Variants in SASH1 observed in about 807,000 individuals in gnomAD.
SASH1 encodes the protein SAM and SH3 domain containing 1, also known as SAM and SH3 domain-containing protein 1.
A neutral mutation model predicts 125.2 loss-of-function variants in SASH1; 44 were observed. That is an observed-to-expected ratio of 0.35 (90% confidence interval 0.28 to 0.45). SASH1 has a LOEUF of 0.45. SASH1 is among the 20% of genes least tolerant of loss of function. The pLI, the probability that SASH1 is intolerant of heterozygous loss-of-function variation, is 1.00. For missense variants in SASH1, 1,426 were observed against 1,614.5 expected (o/e 0.88, Z 2.00); for synonymous variants, 639 against 649.1 (o/e 0.98, Z 0.24).
chr6:148,307,382 C>A (rs1365583564), intron 1 of SASH1, among the ~76,000 whole-genome samples: 1 of 151,990 alleles, frequency 6.6e-6, no homozygotes, highest in African/African-American at 2.4e-5. Flanking sequence ...TCCCAAAGTG[C>A]TGGAATTACA....
the SASH1 span, among the ~76,000 whole-genome samples, chr6:148,198,025 T>C: frequency 2.0e-5 from 3 of 152,184 alleles, no homozygotes; most frequent in Non-Finnish European, 2.9e-5. Flanking sequence ...CATTGTTGTA[T>C]TTTTAGTAGA....
At chr6:148,253,397 A>G in the SASH1 span, among the ~76,000 whole-genome samples, 3 of 152,164 alleles carry the variant, frequency 2.0e-5, no homozygotes, top group African/African-American at 7.2e-5. Flanking sequence ...ACCTTACACT[A>G]TATACAAAAA....
At chr6:148,339,494 A>C (rs1781262034), upstream of SASH1, among the ~76,000 whole-genome samples, 1 of 151,596 alleles carries the variant, frequency 6.6e-6, no homozygotes. Flanking sequence ...GCTAAGGTTT[A>C]ATTATATGTG....
intron 1 of SASH1, among the ~76,000 whole-genome samples, chr6:148,381,300 T>C (rs1173902741): frequency 6.6e-6 from 1 of 152,188 alleles, no homozygotes; most frequent in Non-Finnish European, 1.5e-5. Flanking sequence ...ACATTTTTGC[T>C]ACCAGTCTCA....
chr6:148,349,252 C>CTTTTTTTTTTTTTTTT (rs11317386), intron 1 of SASH1, among the ~76,000 whole-genome samples: 18 of 47,034 alleles, frequency 3.8e-4, no homozygotes, highest in African/African-American at 9.4e-4. Context: ...TTCTTTCTTT[C>CTTTTTTTTTTTTTTTT]TTTTTTTTTT....
chr6:148,339,425 C>T (rs1781260385), upstream of SASH1, among the ~76,000 whole-genome samples: 1 of 151,410 alleles, frequency 6.6e-6, no homozygotes, highest in South Asian at 2.1e-4. Context: ...TTAAGAAGCA[C>T]CAGGAAAAAC....
At chr6:148,499,071 T>G (rs77418613) in intron 8 of SASH1, among the ~76,000 whole-genome samples, 1 of 150,780 alleles carries the variant, frequency 6.6e-6, no homozygotes, top group East Asian at 1.9e-4. Flanking sequence ...TTTTTTTTTT[T>G]TTTGGAGATG....
At position 148,349,252 on chromosome 6, in the gene SASH1, C is replaced by CTTTTTTTTTTT. The variant is rs11317386; in HGVS notation, c.156+6048_156+6058dup. On this transcript the variant is annotated intron_variant, in intron 1 of 19. Transcript: ENST00000367467. ...TTATTTCATTCTTTCTTCTTTCTTT[C>CTTTTTTTTTTT]TTTTTTTTTTTTTTTTTTTTTTTTT... Among the ~76,000 whole-genome samples, 132 of 47,040 alleles carry CTTTTTTTTTTT rather than the reference C, an allele frequency of 2.8e-3. 1 individual carries two copies. The highest frequency in any genetic ancestry group is 3.6e-3 in the Non-Finnish European group (99 of 27,166). The allele number at this position is 47,040 out of a possible 152,430, so 30.9% of individuals were successfully genotyped here. A position where few individuals can be genotyped will look rare whatever the true frequency, so the allele number is the denominator to read the frequency against.
chr6:148,457,570 G>T (rs1015190227), intron 4 of SASH1, among the ~76,000 whole-genome samples: 7 of 152,108 alleles, frequency 4.6e-5, no homozygotes, highest in Non-Finnish European at 1.0e-4. Flanking sequence ...TAGTTTTTTT[G>T]AGTGTTTTTG....
At chr6:148,388,571 G>C (rs12190871) in intron 1 of SASH1, among the ~76,000 whole-genome samples, 5,040 of 152,322 alleles carry the variant, frequency 0.033, 121 homozygotes, top group Non-Finnish European at 0.053. Flanking sequence ...GTTATTGGTG[G>C]GGAAGCAAGG....
the SASH1 span, among the ~76,000 whole-genome samples, chr6:148,234,776 G>A: frequency 2.0e-5 from 3 of 151,350 alleles, no homozygotes; most frequent in African/African-American, 7.3e-5. Context: ...GCAATGAGCC[G>A]AGACTGCGCC....
chr6:148,428,541 A>G (rs1264795685), intron 2 of SASH1, among the ~76,000 whole-genome samples: 1 of 148,070 alleles, frequency 6.8e-6, no homozygotes, highest in Non-Finnish European at 1.5e-5. Flanking sequence ...AGGGAGGAGA[A>G]TTGCTTGAAC....
intron 1 of SASH1, among the ~76,000 whole-genome samples, chr6:148,305,780 A>C (rs547389509): frequency 6.6e-6 from 1 of 152,346 alleles, no homozygotes; most frequent in African/African-American, 2.4e-5. Context: ...TTAAAGAACA[A>C]CCAAAGATAG....
chr6:148,442,851 G>T (rs1459141506), intron 4 of SASH1, among the ~76,000 whole-genome samples: 1 of 151,868 alleles, frequency 6.6e-6, no homozygotes, highest in African/African-American at 2.4e-5. Context: ...TCGGCTCACT[G>T]CAACCTCCAC....
At position 148,467,088 on chromosome 6, in the gene SASH1, C is replaced by CTTTTT. The variant is rs71004298; in HGVS notation, c.387-1436_387-1432dup. Reference sequence around the variant, plus strand: ...CTCCACACTCTACTGTTCCCTGTTCCTTTTTTTTTTTTTTTTTTTTTTTTT... The same window carrying CTTTTT: ...CTCCACACTCTACTGTTCCCTGTTCCTTTTTTTTTTTTTTTTTTTTTTTTTTTTTT... On this transcript the variant is annotated intron_variant, in intron 4 of 19. Transcript: ENST00000367467. Among the ~76,000 whole-genome samples, 592 of 69,898 alleles carry CTTTTT rather than the reference C, an allele frequency of 8.5e-3. 37 individuals carry two copies. Among genetic ancestry groups the CTTTTT allele is most frequent in the Middle Eastern group, 0.016 (1 of 62 alleles). 45.9% of individuals were successfully genotyped at this position (69,898 alleles called of 152,430 possible).
chr6:148,387,693 G>T (rs574574560), intron 1 of SASH1, among the ~76,000 whole-genome samples: 8 of 92,062 alleles, frequency 8.7e-5, no homozygotes, highest in Admixed American at 1.2e-4. Flanking sequence ...TCTTTCTTTC[G>T]GCATCCTTAG....
At chr6:148,293,825 T>C (rs1389812760) in intron 1 of SASH1, among the ~76,000 whole-genome samples, 2 of 152,206 alleles carry the variant, frequency 1.3e-5, no homozygotes, top group Non-Finnish European at 2.9e-5. Context: ...AGAACAACTA[T>C]GCCAGCCGTC....
At chr6:148,221,133 T>C in the SASH1 span, among the ~76,000 whole-genome samples, 1 of 152,220 alleles carries the variant, frequency 6.6e-6, no homozygotes, top group Non-Finnish European at 1.5e-5. Flanking sequence ...TTACTGCAGA[T>C]TGAATTGCTT....
chr6:148,195,575 T>G, the SASH1 span, among the ~76,000 whole-genome samples: 1 of 152,188 alleles, frequency 6.6e-6, no homozygotes, highest in Admixed American at 6.5e-5. Flanking sequence ...CTCCCCTCAT[T>G]TTGAAACTCT....
Sources: allele counts gnomAD v4.1 joint callset (sites outside exome capture counted in the v4.1 genomes callset), GRCh38; gene constraint gnomAD v4.1.1; transcripts MANE v1.5; gene names NCBI Gene and HGNC (gene_info 2026-07-23, HGNC 2026-07-21).